Variants in TMEM131L observed in about 807,000 individuals in gnomAD.
TMEM131L encodes the protein transmembrane 131 like, also known as transmembrane protein 131-like.
In TMEM131L, 54 loss-of-function variants were observed where a neutral mutation model predicts 192.2. That is an observed-to-expected ratio of 0.28 (90% CI 0.23 to 0.35). TMEM131L has a LOEUF of 0.35. Among genes scored for constraint, TMEM131L ranks in the 10% least tolerant of loss-of-function variants. The pLI is 1.00. For missense variants in TMEM131L, 1,888 were observed against 1,972.9 expected, an observed-to-expected ratio of 0.96 and a Z score of 0.82; for synonymous variants, 701 against 704.9, an observed-to-expected ratio of 0.99 and a Z score of 0.09.
chr4:153,495,720 C>T (rs938290057), intron 3 of TMEM131L, among the ~76,000 whole-genome samples: 1 of 152,182 alleles, frequency 6.6e-6, no homozygotes, highest in East Asian at 1.9e-4. Context: ...TCCAACAGAA[C>T]GTTCTGGGGT....
chr4:153,599,249 G>A (rs1309230939), intron 21 of TMEM131L, among the ~76,000 whole-genome samples: 1 of 152,182 alleles, frequency 6.6e-6, no homozygotes, highest in Non-Finnish European at 1.5e-5. Context: ...CAGATCTCAC[G>A]ACAACTCACT....
In TMEM131L at chr4:153,621,708, C is replaced by T; in HGVS notation, c.3718C>T (p.Leu1240Phe). The change falls in exon 28 of 35, where the codon CTT becomes TTT. Residue 1240 changes from leucine (L) to phenylalanine (F), a missense_variant. Coordinates refer to ENST00000409959, the MANE Select transcript of TMEM131L (RefSeq NM_001131007.2). ...GCCTCCTGAACAGAGTGATCTAAAG[C>T]TTGTGTGCAGTGACTTTGAGAGGTC... ...SRPPEQSDLK[L>F]VCSDFERSEL... 1 of 1,614,050 alleles carries T rather than the reference C, an allele frequency of 6.2e-7. No individual in the cohort carries two copies. Among genetic ancestry groups the T allele is most frequent in the South Asian group, 1.1e-5 (1 of 91,082 alleles).
At chr4:153,468,286 G>T (rs1379270893) in intron 2 of TMEM131L, among the ~76,000 whole-genome samples, 1 of 152,214 alleles carries the variant, frequency 6.6e-6, no homozygotes, top group East Asian at 1.9e-4. Flanking sequence ...ATGAATAACA[G>T]CTTCAAGGCA....
chr4:153,477,677 T>G (rs1039573922), intron 3 of TMEM131L, among the ~76,000 whole-genome samples: 8 of 152,212 alleles, frequency 5.3e-5, no homozygotes, highest in African/African-American at 1.9e-4. Flanking sequence ...GTGTATAATC[T>G]ATGTGCTTTT....
At chr4:153,583,302 A>G (rs1393656511) in intron 10 of TMEM131L, 54 bp downstream of exon 10, 4 of 930,018 alleles carry the variant, frequency 4.3e-6, no homozygotes, top group African/African-American at 1.6e-5. Flanking sequence ...TGTGCATTTA[A>G]TTGTAGAATA....
At chr4:153,482,219 A>G (rs969566340) in intron 3 of TMEM131L, among the ~76,000 whole-genome samples, 4 of 152,130 alleles carry the variant, frequency 2.6e-5, no homozygotes, top group African/African-American at 7.2e-5. Context: ...CACTCTATCC[A>G]TGTATAGCCT....
chr4:153,602,761 G>T, intron 23 of TMEM131L, 34 bp downstream of exon 23: 1 of 1,587,242 alleles, frequency 6.3e-7, no homozygotes, highest in South Asian at 1.1e-5. Context: ...TTCTCTCACT[G>T]AGTAGAGAAG....
chr4:153,603,175 T>C (rs1158328773), intron 23 of TMEM131L, 128 bp from the exon 24 acceptor site: 4 of 756,420 alleles, frequency 5.3e-6, no homozygotes, highest in Non-Finnish European at 8.0e-6. Flanking sequence ...TGATAAATCT[T>C]AGGGAATTTT....
At chr4:153,511,969 G>A (rs1734388212) in intron 3 of TMEM131L, among the ~76,000 whole-genome samples, 1 of 152,078 alleles carries the variant, frequency 6.6e-6, no homozygotes, top group African/African-American at 2.4e-5. Context: ...AATTTTATTT[G>A]CAGAATTTTT....
At chr4:153,531,053 T>C (rs548249449) in intron 3 of TMEM131L, among the ~76,000 whole-genome samples, 18 of 152,232 alleles carry the variant, frequency 1.2e-4, no homozygotes, top group Non-Finnish European at 2.1e-4. Flanking sequence ...TGAGCTGCAT[T>C]GGAAACAGAA....
rs369238132 is a variant in TMEM131L at position 153,623,030 on chromosome 4, G to C, written c.3992G>C (p.Ser1331Thr). 3.0e-5 allele frequency: 48 copies of C among 1,613,870 alleles called. No homozygotes were observed. Among genetic ancestry groups the C allele is most frequent in the Non-Finnish European group, 3.9e-5 (46 of 1,179,936 alleles). Residue 1331 changes from serine to threonine, a missense_variant, in exon 29 of 35, where the codon AGC (serine) becomes ACC (threonine). By Grantham distance (58) the Ser-to-Thr change is moderately conservative. Coordinates refer to ENST00000409959, the MANE Select transcript of TMEM131L (RefSeq NM_001131007.2). ...GSWGSWSSTS[S>T]SDGDKKPMVD... ...TGGGGGAGCTGGAGCAGCACCAGCA[G>C]CTCCGACGGGGATAAGAAGCCCATG...
At chr4:153,478,625 G>A (rs532220894) in intron 3 of TMEM131L, among the ~76,000 whole-genome samples, 1 of 152,262 alleles carries the variant, frequency 6.6e-6, no homozygotes, top group South Asian at 2.1e-4. Context: ...AAGTCATTAA[G>A]TGAAGTTGAG....
chr4:153,598,624 G>A lies in TMEM131L; in HGVS notation c.2158G>A (p.Glu720Lys), dbSNP rs370274940. ...GACTGTTATTGACATGATTGGCGTG[G>A]AAGGATTTGGAGCAAGAGAGTTATT... ...NLTVIDMIGV[E>K]GFGARELLKV... is the part of the protein sequence containing the mutation. The change falls in exon 21 of 35, where the codon GAA becomes AAA. Residue 720 changes from glutamate (E) to lysine (K), a missense_variant. Transcript: ENST00000409959. The A allele has an allele frequency of 7.4e-6, 12 of 1,613,728 alleles. No homozygotes were observed. The highest frequency in any genetic ancestry group is 1.0e-5 in the Non-Finnish European group (12 of 1,179,842).
chr4:153,575,381 T>G (rs552626285), intron 7 of TMEM131L, among the ~76,000 whole-genome samples: 34 of 152,326 alleles, frequency 2.2e-4, no homozygotes, highest in African/African-American at 7.9e-4. Context: ...TTTCTTGACC[T>G]TTGCATTTTA....
chr4:153,557,148 A>G (rs56981750), intron 6 of TMEM131L, 66 bp downstream of exon 6: 71,698 of 736,462 alleles, frequency 0.097, 5,083 homozygotes, highest in African/African-American at 0.3. Flanking sequence ...GTGTGTGTAT[A>G]TTTTTAAAAA....
chr4:153,602,744 T>A lies in TMEM131L; in HGVS notation c.2639+17T>A. 1.2e-6 allele frequency: 2 copies of A among 1,611,076 alleles called. No individual in the cohort carries two copies. Among genetic ancestry groups the A allele is most frequent in the Non-Finnish European group, 1.7e-6 (2 of 1,178,060 alleles). On this transcript the variant is annotated intron_variant, in intron 23 of 34. Transcript: ENST00000409959. ...CTTTGTCAGGTAAACCACTACTGTC[T>A]CCCTTGTTCTCTCACTGAGTAGAGA...
intron 26 of TMEM131L, among the ~76,000 whole-genome samples, chr4:153,618,494 A>AAAC (rs1554042571): frequency 1.4e-5 from 2 of 146,556 alleles, no homozygotes; most frequent in African/African-American, 2.6e-5. Flanking sequence ...AAAAAAAAAA[A>AAAC]CCCACCAAAA....
intron 3 of TMEM131L, among the ~76,000 whole-genome samples, chr4:153,488,064 TGA>T (rs1446013407): frequency 6.9e-6 from 1 of 144,246 alleles, no homozygotes; most frequent in Non-Finnish European, 1.5e-5. Flanking sequence ...GTGTGCATGT[TGA>T]GAGAGACCCT....
At chr4:153,502,974 T>TTC (rs11406496) in intron 3 of TMEM131L, among the ~76,000 whole-genome samples, 3 of 30,064 alleles carry the variant, frequency 1.0e-4, no homozygotes, top group African/African-American at 1.9e-4. Context: ...CAGGGTCATC[T>TTC]TTTTTTTTTC....
Sources: gnomAD v4.1 joint callset for allele counts (sites outside exome capture counted in the v4.1 genomes callset) on GRCh38, gnomAD v4.1.1 for gene constraint, MANE v1.5 for transcripts, NCBI Gene and HGNC (gene_info 2026-07-23, HGNC 2026-07-21) for gene names.